PRR9: variants seen among roughly 807,000 people sequenced by gnomAD.
PRR9 encodes the protein proline rich 9.
A neutral mutation model predicts 2.6 loss-of-function variants in PRR9; 3 were observed. The observed-to-expected ratio is 1.15, with a 90% CI of 0.53 to 2.98. The LOEUF is 2.98. PRR9 is among the 30% of genes most tolerant of loss of function. The probability of loss-of-function intolerance (pLI) is 0.03; values close to 1 mark genes in which losing one functional copy is unlikely to be tolerated. For synonymous variants in PRR9, 48 were observed against 50.4 expected, an observed-to-expected ratio of 0.95 and a Z score of 0.20; for missense variants, 141 against 132.0, an observed-to-expected ratio of 1.07 and a Z score of -0.33.
At chr1:153,217,951 T>C (rs946188518) in intron 1 of PRR9, among the ~76,000 whole-genome samples, 174 bp from the exon 2 acceptor site, 8 of 152,276 alleles carry the variant, frequency 5.3e-5, no homozygotes, top group East Asian at 1.9e-4. Flanking sequence ...GCAGCCAGGA[T>C]AGAAAAGAGA....
At chr1:153,217,996 C>T in intron 1 of PRR9, 129 bp from the exon 2 acceptor site, 1 of 664,758 alleles carries the variant, frequency 1.5e-6, no homozygotes, top group Non-Finnish European at 2.5e-6. Flanking sequence ...TTAGTTCTTA[C>T]TTCCACTCCT....
chr1:153,218,162 G>T lies in PRR9; in HGVS notation c.18G>T (p.Gln6His), dbSNP rs758841942. ...ACCCTAGGATGTCCTTCAGTGAGCAGCAGTGCAAGCAGCCATGTGTGCCCC... is the reference window on the plus strand; with the variant it reads ...ACCCTAGGATGTCCTTCAGTGAGCATCAGTGCAAGCAGCCATGTGTGCCCC... MSFSE[Q>H]QCKQPCVPPP... The change falls in exon 2 of 2, where the codon CAG (glutamine) becomes CAT (histidine). Residue 6 changes from glutamine (Q) to histidine (H), a missense_variant. Physicochemically the swap from Gln to His is conservative, Grantham distance 24 (BLOSUM62 0). Transcript: ENST00000368744. 1.9e-6 allele frequency: 3 copies of T among 1,548,032 alleles called. No homozygotes were observed. Among genetic ancestry groups the T allele is most frequent in the East Asian group, 4.9e-5 (2 of 40,842 alleles).
In PRR9 at chr1:153,218,564, G is replaced by A; in HGVS notation, c.*69G>A. 1 of 1,166,338 alleles carries A rather than the reference G, an allele frequency of 8.6e-7. No individual in the cohort carries two copies. The highest frequency in any genetic ancestry group is 1.2e-6 in the Non-Finnish European group (1 of 822,124). The allele number at this position is 1,166,338 out of a possible 1,614,324, so 72.2% of individuals were successfully genotyped here. ...AAACCCTGACCCCAGCCCACGCTCTGGTGACCTTCTTCTGTGGGTACCTCT... is the reference window on the plus strand; with the variant it reads ...AAACCCTGACCCCAGCCCACGCTCTAGTGACCTTCTTCTGTGGGTACCTCT... On this transcript the variant is annotated 3_prime_UTR_variant, in exon 2 of 2. Coordinates refer to ENST00000368744, the MANE Select transcript of PRR9 (RefSeq NM_001195571.2).
In PRR9 at chr1:153,218,110, T is replaced by C. The variant is rs1190599503; in HGVS notation, c.-20-15T>C. 1.4e-6 allele frequency: 2 copies of C among 1,452,456 alleles called. No homozygotes were observed. The highest frequency in any genetic ancestry group is 1.8e-6 in the Non-Finnish European group (2 of 1,085,278). The allele number at this position is 1,452,456 out of a possible 1,614,324, so 90.0% of individuals were successfully genotyped here. ...TTTTTAATACAGATAATTTCGAATC[T>C]TGTGTTTTTTTCAGGCTCTGCAAAT... On this transcript the variant is annotated splice_polypyrimidine_tract_variant and intron_variant, in intron 1 of 1. Coordinates refer to ENST00000368744, the MANE Select transcript of PRR9 (RefSeq NM_001195571.2).
chr1:153,218,929 A>G lies in PRR9; in HGVS notation c.*434A>G. 5.7e-6 allele frequency: 1 copy of G among 176,304 alleles called. No homozygotes were observed. Among genetic ancestry groups the G allele is most frequent in the South Asian group, 1.7e-4 (1 of 6,044 alleles). The allele number at this position is 176,304 out of a possible 1,614,324, so 10.9% of individuals were successfully genotyped here. A position where few individuals can be genotyped will look rare whatever the true frequency, so the allele number is the denominator to read the frequency against. On this transcript the variant is annotated 3_prime_UTR_variant, in exon 2 of 2. Coordinates refer to ENST00000368744, the MANE Select transcript of PRR9 (RefSeq NM_001195571.2). ...TATCACCACCACCACCACCTCCACC[A>G]CCACCACCACCACAGGTGTTGAGAC...
intron 1 of PRR9, 72 bp downstream of exon 1, chr1:153,217,691 ATGGAC>A (rs1216340666): frequency 3.7e-5 from 6 of 162,272 alleles, no homozygotes; most frequent in African/African-American, 1.2e-4. Flanking sequence ...TGTTCCTCTT[ATGGAC>A]TGTACTTTCT....
Position 153,218,198 on chromosome 1 carries a change from C to A in PRR9, c.54C>A (p.Leu18=). The stretch of plus-strand genomic sequence containing the variant: ...AGCCATGTGTGCCCCCTCCATGCCT[C>A]CCAAAGACCCAGGAGCAGTGCCAAG... The part of the protein sequence containing the change: ...CKQPCVPPPC[L]PKTQEQCQAK... Residue 18 remains leucine (L), a synonymous_variant, in exon 2 of 2, where the codon CTC becomes CTA. Transcript: ENST00000368744. The A allele has an allele frequency of 6.4e-7, 1 of 1,550,666 alleles. No individual in the cohort carries two copies. Among genetic ancestry groups the A allele is most frequent in the Non-Finnish European group, 8.7e-7 (1 of 1,146,908 alleles).
rs151212911 is a variant in PRR9, at chr1:153,218,558, C to T, written c.*63C>T. Reference sequence around the variant, plus strand: ...CAGATGAAACCCTGACCCCAGCCCACGCTCTGGTGACCTTCTTCTGTGGGT... The same window carrying T: ...CAGATGAAACCCTGACCCCAGCCCATGCTCTGGTGACCTTCTTCTGTGGGT... On this transcript the variant is annotated 3_prime_UTR_variant, in exon 2 of 2. Coordinates refer to ENST00000368744, the MANE Select transcript of PRR9 (RefSeq NM_001195571.2). 34 of 1,237,086 alleles carry T rather than the reference C, an allele frequency of 2.7e-5. No individual in the cohort carries two copies. The East Asian group carries it at 2.8e-4, about 10-fold the overall frequency. 76.6% of individuals were successfully genotyped at this position (1,237,086 alleles called of 1,614,324 possible).
At position 153,218,825 on chromosome 1, in the gene PRR9, G is replaced by T; in HGVS notation, c.*330G>T. 4.1e-6 allele frequency: 1 copy of T among 242,768 alleles called. No homozygotes were observed. Among genetic ancestry groups the T allele is most frequent in the Admixed American group, 5.2e-5 (1 of 19,148 alleles). The allele number at this position is 242,768 out of a possible 1,614,324, so 15.0% of individuals were successfully genotyped here. A position where few individuals can be genotyped will look rare whatever the true frequency, so the allele number is the denominator to read the frequency against. On this transcript the variant is annotated 3_prime_UTR_variant, in exon 2 of 2. Coordinates refer to ENST00000368744, the MANE Select transcript of PRR9 (RefSeq NM_001195571.2). Reference sequence around the variant, plus strand: ...CAGCTCTGGGTGTGTAACAGCCAAGGATACCTTCATTCATCTTTCAGAGTT... The same window carrying T: ...CAGCTCTGGGTGTGTAACAGCCAAGTATACCTTCATTCATCTTTCAGAGTT...
intron 1 of PRR9, 42 bp from the exon 2 acceptor site, chr1:153,218,083 T>C (rs1438137214): frequency 3.1e-6 from 4 of 1,307,956 alleles, no homozygotes; most frequent in Non-Finnish European, 1.0e-6. Context: ...CCCATGCTGA[T>C]ATTTTTAATA....
Position 153,218,112 on chromosome 1 carries a change from G to GT in PRR9, c.-20-12dup. On this transcript the variant is annotated splice_polypyrimidine_tract_variant and intron_variant, in intron 1 of 1. Coordinates refer to ENST00000368744, the MANE Select transcript of PRR9 (RefSeq NM_001195571.2). ...TTTAATACAGATAATTTCGAATCTTGTGTTTTTTTCAGGCTCTGCAAATCA... is the reference window on the plus strand; with the variant it reads ...TTTAATACAGATAATTTCGAATCTTGTTGTTTTTTTCAGGCTCTGCAAATCA... The GT allele has an allele frequency of 1.4e-6, 2 of 1,459,188 alleles. No individual in the cohort carries two copies. Among genetic ancestry groups the GT allele is most frequent in the Non-Finnish European group, 1.8e-6 (2 of 1,090,792 alleles). 90.4% of individuals were successfully genotyped at this position (1,459,188 alleles called of 1,614,324 possible). A position where few individuals can be genotyped will look rare whatever the true frequency, so the allele number is the denominator to read the frequency against.
At position 153,218,230 on chromosome 1, in the gene PRR9, CTGAGGAGGTG is replaced by C; in HGVS notation, c.89_98del (p.Glu30AlafsTer14). 1 of 1,550,726 alleles carries C rather than the reference CTGAGGAGGTG, an allele frequency of 6.4e-7. No individual in the cohort carries two copies. ...ACCCAGGAGCAGTGCCAAGCAAAGG[CTGAGGAGGTG>C]TGCCTCCCCACATGCCAGCACCCCT... On this transcript the variant is annotated frameshift_variant, in exon 2 of 2. Transcript: ENST00000368744. LOFTEE classifies it low-confidence loss of function (END_TRUNC).
In PRR9 at chr1:153,218,458, T is replaced by A; in HGVS notation, c.314T>A (p.Val105Asp). 6.4e-7 allele frequency: 1 copy of A among 1,550,538 alleles called. No homozygotes were observed. Among genetic ancestry groups the A allele is most frequent in the Non-Finnish European group, 8.7e-7 (1 of 1,146,964 alleles). Residue 105 changes from valine to aspartate, a missense_variant, in exon 2 of 2, where the codon GTC (valine) becomes GAC (aspartate). By Grantham distance (152) the Val-to-Asp change is radical. Transcript: ENST00000368744. ...TGTGTGGAGGTTTGCCCACAGAAAG[T>A]CCAGGAGAAGTGCTCATCCCCTGGC... ...TKCVEVCPQK[V>D]QEKCSSPGKG... is the part of the protein sequence containing the mutation.
chr1:153,218,630 TC>T lies in PRR9; in HGVS notation c.*137del. The stretch of plus-strand genomic sequence containing the variant: ...TCTTGCCTCCTGGCTTCCTTAGCAT[TC>T]CAGGACTTGGTCTGTGTCTCTGAAG... On this transcript the variant is annotated 3_prime_UTR_variant, in exon 2 of 2. Coordinates refer to ENST00000368744, the MANE Select transcript of PRR9 (RefSeq NM_001195571.2). 1 of 644,046 alleles carries T rather than the reference TC, an allele frequency of 1.6e-6. No homozygotes were observed. The highest frequency in any genetic ancestry group is 2.9e-5 in the Admixed American group (1 of 34,378). 39.9% of individuals were successfully genotyped at this position (644,046 alleles called of 1,614,324 possible).
In PRR9 at chr1:153,218,528, G is replaced by T. The variant is rs755262365; in HGVS notation, c.*33G>T. On this transcript the variant is annotated 3_prime_UTR_variant, in exon 2 of 2. Coordinates refer to ENST00000368744, the MANE Select transcript of PRR9 (RefSeq NM_001195571.2). ...TATGTCATCTGGGTTCAAGAAGATGGCCAGCAGATGAAACCCTGACCCCAG... is the reference window on the plus strand; with the variant it reads ...TATGTCATCTGGGTTCAAGAAGATGTCCAGCAGATGAAACCCTGACCCCAG... The T allele has an allele frequency of 6.7e-7, 1 of 1,482,512 alleles. No individual in the cohort carries two copies. 91.8% of individuals were successfully genotyped at this position (1,482,512 alleles called of 1,614,324 possible). A position where few individuals can be genotyped will look rare whatever the true frequency, so the allele number is the denominator to read the frequency against.
chr1:153,219,107 G>A lies in PRR9; in HGVS notation c.*612G>A, dbSNP rs1315560945. Reference sequence around the variant, plus strand: ...AACGATTGAATCCAAACAACCAGAAGGGAAAGATAAGATGGATGTTTGGTG... The same window carrying A: ...AACGATTGAATCCAAACAACCAGAAAGGAAAGATAAGATGGATGTTTGGTG... On this transcript the variant is annotated 3_prime_UTR_variant, in exon 2 of 2. Coordinates refer to ENST00000368744, the MANE Select transcript of PRR9 (RefSeq NM_001195571.2). The A allele has an allele frequency of 3.0e-5, 5 of 168,132 alleles. No individual in the cohort carries two copies. Among genetic ancestry groups the A allele is most frequent in the South Asian group, 4.1e-4 (2 of 4,840 alleles). The allele number at this position is 168,132 out of a possible 1,614,324, so 10.4% of individuals were successfully genotyped here.
In PRR9 at chr1:153,218,475, T is replaced by C. The variant is rs1327566879; in HGVS notation, c.331T>C (p.Ser111Pro). Reference sequence around the variant, plus strand: ...ACAGAAAGTCCAGGAGAAGTGCTCATCCCCTGGCAAGGGAAAGTAGCTGCT... The same window carrying C: ...ACAGAAAGTCCAGGAGAAGTGCTCACCCCCTGGCAAGGGAAAGTAGCTGCT... Reference protein sequence around the residue: ...CPQKVQEKCSSPGKGK With the variant: ...CPQKVQEKCSPPGKGK Residue 111 changes from serine (S) to proline (P), a missense_variant, in exon 2 of 2, where the codon TCC becomes CCC. Transcript: ENST00000368744. 2 of 1,549,922 alleles carry C rather than the reference T, an allele frequency of 1.3e-6. No homozygotes were observed. The highest frequency in any genetic ancestry group is 2.7e-5 in the African/African-American group (2 of 73,016).
In PRR9 at chr1:153,218,088, T is replaced by G. The variant is rs1657961142; in HGVS notation, c.-20-37T>G. 15 of 1,356,634 alleles carry G rather than the reference T, an allele frequency of 1.1e-5. No individual in the cohort carries two copies. In the South Asian group the frequency reaches 2.0e-4, roughly 18 times the overall value. 84.0% of individuals were successfully genotyped at this position (1,356,634 alleles called of 1,614,324 possible). A position where few individuals can be genotyped will look rare whatever the true frequency, so the allele number is the denominator to read the frequency against. On this transcript the variant is annotated intron_variant, in intron 1 of 1. Coordinates refer to ENST00000368744, the MANE Select transcript of PRR9 (RefSeq NM_001195571.2). ...TTCCCCAGTTCCCATGCTGATATTT[T>G]TAATACAGATAATTTCGAATCTTGT...
Position 153,218,235 on chromosome 1 carries a change from G to A in PRR9, c.91G>A (p.Glu31Lys), listed in dbSNP as rs2101684415. 3 of 1,550,668 alleles carry A rather than the reference G, an allele frequency of 1.9e-6. No homozygotes were observed. In the East Asian group the frequency reaches 7.3e-5, roughly 38 times the overall value. ...GGAGCAGTGCCAAGCAAAGGCTGAG[G>A]AGGTGTGCCTCCCCACATGCCAGCA... ...TQEQCQAKAE[E>K]VCLPTCQHPC... The change falls in exon 2 of 2, where the codon GAG becomes AAG. Residue 31 changes from glutamate (E) to lysine (K), a missense_variant. Coordinates refer to ENST00000368744, the MANE Select transcript of PRR9 (RefSeq NM_001195571.2).
Sources: allele counts gnomAD v4.1 joint callset (sites outside exome capture counted in the v4.1 genomes callset), GRCh38; gene constraint gnomAD v4.1.1; transcripts MANE v1.5; gene names NCBI Gene and HGNC (gene_info 2026-07-23, HGNC 2026-07-21).